Variants in TIMP3 observed in about 807,000 individuals in gnomAD.
TIMP3 encodes metalloproteinase inhibitor 3.
In TIMP3, 11 loss-of-function variants were observed where a neutral mutation model predicts 30.0. The observed-to-expected ratio is 0.37, with a 90% CI of 0.23 to 0.61. TIMP3 has a LOEUF of 0.61. Ranked by LOEUF, TIMP3 falls within the 20% of genes least tolerant of loss-of-function variation. The probability of loss-of-function intolerance (pLI) is 0.70; values close to 1 mark genes in which losing one functional copy is unlikely to be tolerated. For synonymous variants in TIMP3, 112 were observed against 111.3 expected (o/e 1.01, Z -0.04); for missense variants, 181 against 276.8 (o/e 0.65, Z 2.45).
At chr22:32,807,406 T>TATAATATATA (rs2046792977) in intron 1 of TIMP3, among the ~76,000 whole-genome samples, 1 of 110,940 alleles carries the variant, frequency 9.0e-6, no homozygotes, top group Admixed American at 1.1e-4. Context: ...TATATATATA[T>TATAATATATA]TATATTTACA....
chr22:32,827,706 C>A (rs143297311), intron 1 of TIMP3, among the ~76,000 whole-genome samples: 1 of 152,342 alleles, frequency 6.6e-6, no homozygotes, highest in African/African-American at 2.4e-5. Flanking sequence ...CCTCCAGTGG[C>A]TTCTTAATTC....
intron 1 of TIMP3, among the ~76,000 whole-genome samples, chr22:32,828,082 G>A (rs1569256752): frequency 6.6e-6 from 1 of 152,224 alleles, no homozygotes; most frequent in Non-Finnish European, 1.5e-5. Context: ...GGAGAGTAGA[G>A]ACCTTGTTGG....
intron 1 of TIMP3, among the ~76,000 whole-genome samples, chr22:32,842,153 A>T (rs1331726296): frequency 2.6e-5 from 4 of 152,294 alleles, no homozygotes; most frequent in Admixed American, 1.3e-4. Flanking sequence ...TCACAGAGAA[A>T]CAGGGCAGCG....
Position 32,862,301 on chromosome 22 carries a change from T to C in TIMP3, c.*2924T>C, listed in dbSNP as rs1065314. On this transcript the variant is annotated 3_prime_UTR_variant, in exon 5 of 5. Transcript: ENST00000266085. ...CTGCCTCCCAATCAAGGAAGCTCCA[T>C]GCTCAGGCTCTCAGCTCTCGGGCCA... 42,708 of 152,158 alleles carry C rather than the reference T, an allele frequency of 0.28. 6,215 individuals carry two copies. The highest frequency in any genetic ancestry group is 0.34 in the African/African-American group (14,010 of 41,478). The allele number at this position is 152,158 out of a possible 1,614,324, so 9.4% of individuals were successfully genotyped here.
intron 1 of TIMP3, among the ~76,000 whole-genome samples, chr22:32,827,450 A>G (rs909461542): frequency 6.6e-6 from 1 of 152,108 alleles, no homozygotes; most frequent in Non-Finnish European, 1.5e-5. Context: ...CTACTTGTAC[A>G]AATGGATTTT....
At chr22:32,828,648 C>T (rs1032197996) in intron 1 of TIMP3, among the ~76,000 whole-genome samples, 2 of 152,220 alleles carry the variant, frequency 1.3e-5, no homozygotes, top group African/African-American at 4.8e-5. Flanking sequence ...GATGCTACCT[C>T]ATGAGTTAGT....
In TIMP3 at chr22:32,859,451, G is replaced by C. The variant is rs1421013518; in HGVS notation, c.*74G>C. 19 of 1,520,496 alleles carry C rather than the reference G, an allele frequency of 1.2e-5. No individual in the cohort carries two copies. The highest frequency in any genetic ancestry group is 2.8e-5 in the African/African-American group (2 of 72,408). 94.2% of individuals were successfully genotyped at this position (1,520,496 alleles called of 1,614,324 possible). On this transcript the variant is annotated 3_prime_UTR_variant, in exon 5 of 5. Coordinates refer to ENST00000266085, the MANE Select transcript of TIMP3 (RefSeq NM_000362.5). ...CCTTGGACACTAACTCTTCCCAGAT[G>C]ATGACAATGAAATTAGTGCCTGTTT...
intron 2 of TIMP3, 78 bp from the exon 3 acceptor site, chr22:32,857,171 T>C (rs2048392779): frequency 9.2e-7 from 1 of 1,088,326 alleles, no homozygotes; most frequent in Non-Finnish European, 1.4e-6. Context: ...TTTGGATACA[T>C]ACCCAGCAGT....
chr22:32,846,440 A>G (rs1265937741), intron 1 of TIMP3, among the ~76,000 whole-genome samples: 1 of 152,262 alleles, frequency 6.6e-6, no homozygotes, highest in Non-Finnish European at 1.5e-5. Context: ...TGGAATAAAA[A>G]TAGACATCAC....
chr22:32,858,014 T>C lies in TIMP3; in HGVS notation c.317-3T>C, dbSNP rs2146289356. On this transcript the variant is annotated splice_region_variant and splice_polypyrimidine_tract_variant and intron_variant, in intron 3 of 4. Coordinates refer to ENST00000266085, the MANE Select transcript of TIMP3 (RefSeq NM_000362.5). ...CTCCTTGTTTTCTTCTTTCCTCCTGTAGGTCGCGTCTATGATGGCAAGATG... is the reference window on the plus strand; with the variant it reads ...CTCCTTGTTTTCTTCTTTCCTCCTGCAGGTCGCGTCTATGATGGCAAGATG... 6.2e-7 allele frequency: 1 copy of C among 1,614,130 alleles called. No individual in the cohort carries two copies. Among genetic ancestry groups the C allele is most frequent in the Non-Finnish European group, 8.5e-7 (1 of 1,180,002 alleles).
At chr22:32,852,058 G>A (rs556288169) in intron 2 of TIMP3, among the ~76,000 whole-genome samples, 1 of 152,198 alleles carries the variant, frequency 6.6e-6, no homozygotes, top group African/African-American at 2.4e-5. Flanking sequence ...CATTTACTGA[G>A]CAATTGCTTA....
At position 32,805,130 on chromosome 22, in the gene TIMP3, T is replaced by C. The variant is rs560346006; in HGVS notation, c.121+3008T>C. Among the ~76,000 whole-genome samples the C allele has an allele frequency of 2.3e-4, 35 of 152,252 alleles. 1 individual carries two copies. Among genetic ancestry groups the C allele is most frequent in the African/African-American group, 2.9e-4 (12 of 41,558 alleles). The stretch of plus-strand genomic sequence containing the variant: ...ATTTTGCTTCAGAATGCCAAGCCCT[T>C]CTCTCCTTCTCTCTTGCCGCCTTTG... On this transcript the variant is annotated intron_variant, in intron 1 of 4. Coordinates refer to ENST00000266085, the MANE Select transcript of TIMP3 (RefSeq NM_000362.5).
rs951381877 is a variant in TIMP3 at position 32,807,976 on chromosome 22, T to A, written c.121+5854T>A. On this transcript the variant is annotated intron_variant, in intron 1 of 4. Coordinates refer to ENST00000266085, the MANE Select transcript of TIMP3 (RefSeq NM_000362.5). ...AATTTTTATTGACTTACTGAGTGTT[T>A]TTTTTCCTTCTTTTTGTCTCTTTGA... is the stretch of plus-strand genomic sequence containing the variant. Among the ~76,000 whole-genome samples, 5 of 152,140 alleles carry A rather than the reference T, an allele frequency of 3.3e-5. No individual in the cohort carries two copies. The East Asian group carries it at 9.6e-4, about 29-fold the overall frequency.
At chr22:32,834,205 T>G (rs2047663537) in intron 1 of TIMP3, among the ~76,000 whole-genome samples, 1 of 151,886 alleles carries the variant, frequency 6.6e-6, no homozygotes, top group African/African-American at 2.4e-5. Context: ...CAGGCTGGAG[T>G]GCAGTGGCAC....
intron 1 of TIMP3, among the ~76,000 whole-genome samples, chr22:32,830,014 C>T (rs940628981): frequency 7.2e-5 from 11 of 152,332 alleles, no homozygotes; most frequent in South Asian, 4.1e-4. Context: ...CAATGTCCCT[C>T]GCTTCAACCT....
At chr22:32,815,306 C>T (rs145724739) in intron 1 of TIMP3, among the ~76,000 whole-genome samples, 1 of 152,314 alleles carries the variant, frequency 6.6e-6, no homozygotes, top group African/African-American at 2.4e-5. Context: ...TGTGCGGTGA[C>T]ACTGGAGAAG....
At chr22:32,828,523 T>G (rs130295) in intron 1 of TIMP3, among the ~76,000 whole-genome samples, 1 of 152,132 alleles carries the variant, frequency 6.6e-6, no homozygotes, top group Non-Finnish European at 1.5e-5. Context: ...CTCTTCTAGA[T>G]GAGCCTTCTA....
intron 2 of TIMP3, among the ~76,000 whole-genome samples, chr22:32,855,203 C>T (rs1389033858): frequency 6.6e-6 from 1 of 152,314 alleles, no homozygotes; most frequent in Non-Finnish European, 1.5e-5. Context: ...CCACCGCCCC[C>T]GTTACCAAAT....
intron 1 of TIMP3, among the ~76,000 whole-genome samples, chr22:32,845,619 T>C (rs1378676832): frequency 1.3e-5 from 2 of 152,176 alleles, no homozygotes; most frequent in Non-Finnish European, 2.9e-5. Context: ...ACCTAGTTCA[T>C]GCCTATGTTG....
Sources: gnomAD v4.1 joint callset for allele counts (sites outside exome capture counted in the v4.1 genomes callset) on GRCh38, gnomAD v4.1.1 for gene constraint, MANE v1.5 for transcripts, NCBI Gene and HGNC (gene_info 2026-07-23, HGNC 2026-07-21) for gene names.